Variants in ZNF385C observed in about 807,000 individuals in gnomAD.
ZNF385C encodes the protein CTD-2132N18.2.
A neutral mutation model predicts 35.4 loss-of-function variants in ZNF385C; 28 were observed. The observed-to-expected ratio is 0.79, with a 90% CI of 0.59 to 1.08. ZNF385C has a LOEUF of 1.08. Among genes scored for constraint, ZNF385C ranks in the 50% least tolerant of loss-of-function variants. The pLI, the probability that ZNF385C is intolerant of heterozygous loss-of-function variation, is 0.00. For synonymous variants in ZNF385C, 248 were observed against 248.2 expected, an observed-to-expected ratio of 1.00 and a Z score of 0.01; for missense variants, 605 against 595.6, an observed-to-expected ratio of 1.02 and a Z score of -0.16.
intron 2 of ZNF385C, among the ~76,000 whole-genome samples, chr17:42,046,497 G>A (rs2053163948): frequency 6.6e-6 from 1 of 151,974 alleles, no homozygotes; most frequent in Non-Finnish European, 1.5e-5. Flanking sequence ...CTACTCAGGA[G>A]GCTGAGGTGG....
chr17:42,040,005 C>G, intron 2 of ZNF385C: 4 of 1,231,034 alleles, frequency 3.2e-6, no homozygotes, highest in Non-Finnish European at 4.1e-6. Flanking sequence ...ACAGGGCCCG[C>G]GGGCCGAGCC....
At chr17:42,077,334 T>G (rs1341999927) in intron 1 of ZNF385C, among the ~76,000 whole-genome samples, 6 of 152,120 alleles carry the variant, frequency 3.9e-5, no homozygotes, top group African/African-American at 1.4e-4. Context: ...CCATATAATA[T>G]GTGCCCAACT....
At chr17:42,053,058 C>T (rs782201509) in intron 2 of ZNF385C, among the ~76,000 whole-genome samples, 7 of 152,162 alleles carry the variant, frequency 4.6e-5, no homozygotes, top group Non-Finnish European at 8.8e-5. Flanking sequence ...ATGCCCACTC[C>T]CACCATGGCC....
chr17:42,047,418 G>T (rs551588214), intron 2 of ZNF385C, among the ~76,000 whole-genome samples: 1 of 151,966 alleles, frequency 6.6e-6, no homozygotes. Context: ...CAGATGATCC[G>T]CCCATCTCAG....
intron 2 of ZNF385C, among the ~76,000 whole-genome samples, chr17:42,055,408 G>A (rs2143797652): frequency 6.6e-6 from 1 of 152,054 alleles, no homozygotes; most frequent in South Asian, 2.1e-4. Context: ...CTGGGGGAGG[G>A]GGATGCCAAT....
chr17:42,054,147 C>T (rs1208487886), intron 2 of ZNF385C, among the ~76,000 whole-genome samples: 2 of 152,176 alleles, frequency 1.3e-5, no homozygotes, highest in Non-Finnish European at 1.5e-5. Context: ...GGGAGGATAT[C>T]GGGGAGCATC....
At position 42,095,729 on chromosome 17, in the gene ZNF385C, C is replaced by A. The variant is rs1356639764; in HGVS notation, c.-3+2681G>T. On this transcript the variant is annotated intron_variant, in intron 1 of 8. Transcript: ENST00000692273. The surrounding 1 kb of genome is among the most constrained non-coding windows in gnomAD (Gnocchi z 4.4). The stretch of plus-strand genomic sequence containing the variant: ...TCTTCATTTCACCTTGAAACTCCGT[C>A]CTGGTCCAGGTAAGCATGTTCTAAG... Among the ~76,000 whole-genome samples, 2 of 152,112 alleles carry A rather than the reference C, an allele frequency of 1.3e-5. No homozygotes were observed. Among genetic ancestry groups the A allele is most frequent in the African/African-American group, 4.8e-5 (2 of 41,396 alleles).
At chr17:42,098,351 C>T (rs1555661127) in intron 1 of ZNF385C, 59 bp downstream of exon 1, 1 of 152,276 alleles carries the variant, frequency 6.6e-6, no homozygotes, top group African/African-American at 2.4e-5. Context: ...GAGGCTGCCT[C>T]GTTCTCCCGC....
intron 1 of ZNF385C, among the ~76,000 whole-genome samples, chr17:42,087,507 C>G (rs2053821247): frequency 6.6e-6 from 1 of 152,192 alleles, no homozygotes; most frequent in Admixed American, 6.5e-5. Context: ...TTCACAAAGT[C>G]CCTGACTCTG....
intron 2 of ZNF385C, among the ~76,000 whole-genome samples, chr17:42,045,279 C>T (rs1567988084): frequency 6.6e-6 from 1 of 152,160 alleles, no homozygotes; most frequent in Non-Finnish European, 1.5e-5. Context: ...TCTCGATCTC[C>T]TGACCTTGTG....
At chr17:42,094,455 T>A (rs1555660829) in intron 1 of ZNF385C, among the ~76,000 whole-genome samples, 3 of 144,420 alleles carry the variant, frequency 2.1e-5, no homozygotes, top group Middle Eastern at 6.9e-3. Flanking sequence ...AGAGTGGGAG[T>A]GTGAGAGAGA....
In ZNF385C at chr17:42,028,205, G is replaced by A. The variant is rs1555654550; in HGVS notation, c.1009C>T (p.Pro337Ser). Residue 337 changes from proline to serine, a missense_variant, in exon 7 of 9, where the codon CCC becomes TCC. Transcript: ENST00000692273. ...ACCGGGCGGCCCCGGCTCCTCCGGG[G>A]AGCCCCTCGCTGACCTTCCATCATC... The part of the protein sequence containing the change: ...RWMMEGQRGA[P>S]RRSRGRPVSR... The A allele has an allele frequency of 1.9e-6, 3 of 1,568,154 alleles. No individual in the cohort carries two copies. Among genetic ancestry groups the A allele is most frequent in the South Asian group, 2.3e-5 (2 of 85,150 alleles).
At position 42,051,799 on chromosome 17, in the gene ZNF385C, G is replaced by A. The variant is rs530803688; in HGVS notation, c.250+11008C>T. Among the ~76,000 whole-genome samples the A allele has an allele frequency of 2.3e-3, 349 of 152,288 alleles. 1 individual carries two copies. Among genetic ancestry groups the A allele is most frequent in the Non-Finnish European group, 4.0e-3 (270 of 68,020 alleles). ...GGTCCCAGCCCCACCAGTGGCTGCT[G>A]GGAACTCCTCTGCCCCAGCATCCTC... is the stretch of plus-strand genomic sequence containing the variant. On this transcript the variant is annotated intron_variant, in intron 2 of 8. Transcript: ENST00000692273.
rs1191391504 is a variant in ZNF385C at position 42,050,900 on chromosome 17, C to G, written c.250+11907G>C. 6.6e-6 allele frequency among the ~76,000 whole-genome samples: 1 copy of G among 152,130 alleles called. No individual in the cohort carries two copies. On this transcript the variant is annotated intron_variant, in intron 2 of 8. Coordinates refer to ENST00000692273, the MANE Select transcript of ZNF385C (RefSeq NM_001392013.1). The surrounding 1 kb of genome is among the most constrained non-coding windows in gnomAD (Gnocchi z 5.6). ...CGGGGTTCCTCGAGGGGCTCACAGC[C>G]TAAGCCACAGACAGGTAGAGCGCGG...
Position 42,037,888 on chromosome 17 carries a change from G to A in ZNF385C, c.251-3C>T, listed in dbSNP as rs1555655651. 6.5e-7 allele frequency: 1 copy of A among 1,531,818 alleles called. No individual in the cohort carries two copies. The highest frequency in any genetic ancestry group is 1.4e-5 in the African/African-American group (1 of 72,782). 94.9% of individuals were successfully genotyped at this position (1,531,818 alleles called of 1,614,324 possible). A position where few individuals can be genotyped will look rare whatever the true frequency, so the allele number is the denominator to read the frequency against. On this transcript the variant is annotated splice_polypyrimidine_tract_variant and splice_region_variant and intron_variant, in intron 2 of 8. Transcript: ENST00000692273. ...GGGGGCGCCGGAGGCCGGGCCTGCT[G>A]CAGGAGGAAGAAGGGCAGGGTCTGA...
intron 3 of ZNF385C, among the ~76,000 whole-genome samples, chr17:42,037,000 AT>A (rs1475282984): frequency 6.6e-6 from 1 of 152,214 alleles, no homozygotes; most frequent in African/African-American, 2.4e-5. Context: ...TAAAATTCAT[AT>A]ACTTGTTATG....
chr17:42,035,708 C>T (rs563217723), intron 3 of ZNF385C, among the ~76,000 whole-genome samples: 1 of 151,788 alleles, frequency 6.6e-6, no homozygotes, highest in African/African-American at 2.4e-5. Flanking sequence ...CCCACCACTA[C>T]GTCTGGCTAA....
chr17:42,070,322 C>A (rs928523902), intron 1 of ZNF385C, among the ~76,000 whole-genome samples: 1 of 152,074 alleles, frequency 6.6e-6, no homozygotes, highest in South Asian at 2.1e-4. Flanking sequence ...CCAGCCTGTG[C>A]GACAGAGCGA....
At chr17:42,068,821 T>C (rs1384652299) in intron 1 of ZNF385C, among the ~76,000 whole-genome samples, 1 of 152,160 alleles carries the variant, frequency 6.6e-6, no homozygotes. Context: ...ATCCCACCTC[T>C]CCTTAAAGCC....
Sources: allele counts gnomAD v4.1 joint callset (sites outside exome capture counted in the v4.1 genomes callset), GRCh38; gene constraint gnomAD v4.1.1; non-coding constraint Gnocchi (gnomAD v3.1); transcripts MANE v1.5; gene names NCBI Gene and HGNC (gene_info 2026-07-23, HGNC 2026-07-21).